EN1: variants seen among roughly 807,000 people sequenced by gnomAD.
EN1 encodes the protein homeobox protein engrailed-1.
Under a neutral mutation model 22.9 loss-of-function variants are expected in EN1, and 8 were observed. The observed-to-expected ratio is 0.35, with a 90% CI of 0.20 to 0.63. The LOEUF is 0.63. Ranked by LOEUF, EN1 falls within the 20% of genes least tolerant of loss-of-function variation. EN1 has a pLI of 0.73. For missense variants in EN1, 521 were observed against 572.1 expected, an observed-to-expected ratio of 0.91 and a Z score of 0.91; for synonymous variants, 287 against 262.5, an observed-to-expected ratio of 1.09 and a Z score of -0.90.
Position 118,847,101 on chromosome 2 carries a change from T to TCGC in EN1, c.64_66dup (p.Ala22dup), listed in dbSNP as rs773741503. ...AGGCTCAGGCTGAGGCCGCCCGGAG[T>TCGC]CGCCGCCGCCGCCGCGCCGAGGGCC... On this transcript the variant is annotated inframe_insertion, in exon 1 of 2. Coordinates refer to ENST00000295206, the MANE Select transcript of EN1 (RefSeq NM_001426.4). The TCGC allele has an allele frequency of 7.9e-6, 11 of 1,388,170 alleles. No homozygotes were observed. Among genetic ancestry groups the TCGC allele is most frequent in the East Asian group, 6.4e-5 (2 of 31,130 alleles). The allele number at this position is 1,388,170 out of a possible 1,614,324, so 86.0% of individuals were successfully genotyped here. A position where few individuals can be genotyped will look rare whatever the true frequency, so the allele number is the denominator to read the frequency against.
Position 118,843,000 on chromosome 2 carries a change from T to G in EN1, c.1117A>C (p.Met373Leu), listed in dbSNP as rs749585707. Residue 373 changes from methionine to leucine, a missense_variant, in exon 2 of 2, where the codon ATG (methionine) becomes CTG (leucine). Physicochemically the swap from Met to Leu is conservative, Grantham distance 15. This residue lies in a region of EN1 where 35 missense variants were observed against 40.2 expected (regional missense o/e 0.87). Coordinates refer to ENST00000295206, the MANE Select transcript of EN1 (RefSeq NM_001426.4). ...GAGTGGTTGTACAGTCCCTGGGCCA[T>G]GAGGTGCAGCGCCAGGCCGTTCTTG... is the stretch of plus-strand genomic sequence containing the variant. ...GIKNGLALHL[M>L]AQGLYNHSTT... 1.9e-6 allele frequency: 3 copies of G among 1,614,046 alleles called. No individual in the cohort carries two copies. Among genetic ancestry groups the G allele is most frequent in the Admixed American group, 3.3e-5 (2 of 60,032 alleles).
intron 1 of EN1, chr2:118,843,792 A>G (rs1036104596): frequency 6.4e-5 from 10 of 156,638 alleles, no homozygotes; most frequent in African/African-American, 2.4e-4. Flanking sequence ...AGAAACTACA[A>G]TAAGACCCCA....
At position 118,846,485 on chromosome 2, in the gene EN1, C is replaced by A. The variant is rs958547342; in HGVS notation, c.683G>T (p.Ser228Ile). Residue 228 changes from serine (S) to isoleucine (I), a missense_variant, in exon 1 of 2, where the codon AGT becomes ATT. Physicochemically the swap from Ser to Ile is moderately radical, Grantham distance 142. This residue lies in a region of EN1 where 436 missense variants were observed against 410.1 expected (regional missense o/e 1.06). Coordinates refer to ENST00000295206, the MANE Select transcript of EN1 (RefSeq NM_001426.4). The surrounding 1 kb of genome is among the most constrained non-coding windows in gnomAD (Gnocchi z 5.0). ...TCCGGGGCTCCCCGCGCCGCCTCCA[C>A]TGCCGCCGCCACCGGTGTCCGAGGG... ...AKPSDTGGGG[S>I]GGGAGSPGAQ... 6.3e-7 allele frequency: 1 copy of A among 1,584,646 alleles called. No individual in the cohort carries two copies. The highest frequency in any genetic ancestry group is 1.4e-5 in the African/African-American group (1 of 73,404).
chr2:118,846,228 C>T lies in EN1; in HGVS notation c.862+78G>A, dbSNP rs1678265673. 1 of 1,546,096 alleles carries T rather than the reference C, an allele frequency of 6.5e-7. No individual in the cohort carries two copies. Among genetic ancestry groups the T allele is most frequent in the African/African-American group, 1.4e-5 (1 of 72,880 alleles). ...GAGTACCCGAGGCCGGGTTTGCTCT[C>T]CCTAGCGCCGCAGCTTGGCGTTCTG... On this transcript the variant is annotated intron_variant, in intron 1 of 1. Transcript: ENST00000295206. The surrounding 1 kb of genome is among the most constrained non-coding windows in gnomAD (Gnocchi z 5.0).
Position 118,843,244 on chromosome 2 carries a change from G to T in EN1, c.873C>A (p.Thr291=). 6.5e-7 allele frequency: 1 copy of T among 1,539,066 alleles called. No homozygotes were observed. The highest frequency in any genetic ancestry group is 8.7e-7 in the Non-Finnish European group (1 of 1,145,344). Residue 291 remains threonine (T), a synonymous_variant, in exon 2 of 2, where the codon ACC becomes ACA. Transcript: ENST00000295206. ...CGTTCTTCTTCTTCTTCAGCTTCCT[G>T]GTGCGCGGACCTGCAGCGGCGGAGA... ...YSDRPSSGPR[T]RKLKKKKNEK...
intron 1 of EN1, among the ~76,000 whole-genome samples, chr2:118,845,291 G>T (rs1460212242): frequency 6.6e-6 from 1 of 152,192 alleles, no homozygotes; most frequent in African/African-American, 2.4e-5. Flanking sequence ...CGGACCGGGT[G>T]TCTGGAGTGC....
In EN1 at chr2:118,846,744, C is replaced by T. The variant is rs752141919; in HGVS notation, c.424G>A (p.Val142Ile). Reference sequence around the variant, plus strand: ...GCAGTCTGGCCTCTGTCACGCTCGACCCGGCCTCCTCCTCCTGCGCCTCCT... The same window carrying T: ...GCAGTCTGGCCTCTGTCACGCTCGATCCGGCCTCCTCCTCCTGCGCCTCCT... ...ARGGAGGGGR[V>I]ERDRGQTAAG... Residue 142 changes from valine (V) to isoleucine (I), a missense_variant, in exon 1 of 2, where the codon GTC becomes ATC. Physicochemically the swap from Val to Ile is conservative, Grantham distance 29. Transcript: ENST00000295206. This position sits in a 1 kb window ranked among gnomAD's most constrained non-coding sequence, Gnocchi z 5.0. 7 of 1,594,350 alleles carry T rather than the reference C, an allele frequency of 4.4e-6. No individual in the cohort carries two copies. In the Admixed American group the frequency reaches 1.0e-4, roughly 23 times the overall value.
chr2:118,842,770 T>A lies in EN1; in HGVS notation c.*168A>T. The A allele has an allele frequency of 8.4e-7, 1 of 1,191,748 alleles. No individual in the cohort carries two copies. The highest frequency in any genetic ancestry group is 1.7e-5 in the South Asian group (1 of 58,930). The allele number at this position is 1,191,748 out of a possible 1,614,324, so 73.8% of individuals were successfully genotyped here. A position where few individuals can be genotyped will look rare whatever the true frequency, so the allele number is the denominator to read the frequency against. ...AGTCTTTCTCCCTTTTCAAAAATGC[T>A]GCGTTTCAACGTCATTGTCCATTCT... is the stretch of plus-strand genomic sequence containing the variant. On this transcript the variant is annotated 3_prime_UTR_variant, in exon 2 of 2. Coordinates refer to ENST00000295206, the MANE Select transcript of EN1 (RefSeq NM_001426.4).
intron 1 of EN1, 82 bp from the exon 2 acceptor site, chr2:118,843,336 T>A: frequency 8.5e-7 from 1 of 1,178,352 alleles, no homozygotes; most frequent in Non-Finnish European, 1.2e-6. Flanking sequence ...AAGGAAGCCG[T>A]GAGAATAGCA....
rs761786635 is a variant in EN1, at chr2:118,846,299, T to C, written c.862+7A>G. ...AGGCATGGCGCAGCCCGGAGTTGGG[T>C]ACTCACCGGAGGATGGACGATCCGA... is the stretch of plus-strand genomic sequence containing the variant. On this transcript the variant is annotated splice_region_variant and intron_variant, in intron 1 of 1. Coordinates refer to ENST00000295206, the MANE Select transcript of EN1 (RefSeq NM_001426.4). The surrounding 1 kb of genome is among the most constrained non-coding windows in gnomAD (Gnocchi z 5.0). The C allele has an allele frequency of 8.6e-5, 138 of 1,607,864 alleles. No homozygotes were observed. The highest frequency in any genetic ancestry group is 3.3e-4 in the Middle Eastern group (2 of 6,078).
intron 1 of EN1, chr2:118,844,259 C>A (rs1678235358): frequency 6.6e-6 from 1 of 152,020 alleles, no homozygotes; most frequent in Non-Finnish European, 1.5e-5. Flanking sequence ...GACTGCAGCC[C>A]CTTCCCCCAC....
chr2:118,845,065 G>A (rs577082599), intron 1 of EN1, among the ~76,000 whole-genome samples: 4 of 152,348 alleles, frequency 2.6e-5, no homozygotes, highest in African/African-American at 7.2e-5. Context: ...CGGCCAGCCC[G>A]AGCCGTGCAG....
intron 1 of EN1, among the ~76,000 whole-genome samples, chr2:118,845,669 C>A (rs1299594802): frequency 6.6e-6 from 1 of 152,202 alleles, no homozygotes; most frequent in African/African-American, 2.4e-5. Flanking sequence ...TGCCAGCACC[C>A]ACCTTTTTGG....
At chr2:118,845,207 G>C (rs1323509932) in intron 1 of EN1, among the ~76,000 whole-genome samples, 2 of 152,254 alleles carry the variant, frequency 1.3e-5, no homozygotes, top group Admixed American at 6.5e-5. Context: ...TCCGCGCCCG[G>C]CCGGCAGCTG....
rs1371856634 is a variant in EN1 at position 118,846,797 on chromosome 2, G to A, written c.371C>T (p.Pro124Leu). The A allele has an allele frequency of 4.4e-6, 7 of 1,595,264 alleles. No homozygotes were observed. The African/African-American group carries it at 5.4e-5, about 12-fold the overall frequency. ...DFGCKKEQPP[P>L]QLLVAAAARG... ...GGCCGCCGCAGCCACCAGAAGCTGCGGTGGCGGCTGCTCCTTTTTGCAGCC... is the reference window on the plus strand; with the variant it reads ...GGCCGCCGCAGCCACCAGAAGCTGCAGTGGCGGCTGCTCCTTTTTGCAGCC... The change falls in exon 1 of 2, where the codon CCG becomes CTG. Residue 124 changes from proline to leucine, a missense_variant. Coordinates refer to ENST00000295206, the MANE Select transcript of EN1 (RefSeq NM_001426.4). This position sits in a 1 kb window ranked among gnomAD's most constrained non-coding sequence, Gnocchi z 5.0.
At position 118,843,026 on chromosome 2, in the gene EN1, A is replaced by G; in HGVS notation, c.1091T>C (p.Ile364Thr). The G allele has an allele frequency of 1.9e-6, 3 of 1,614,070 alleles. No individual in the cohort carries two copies. The highest frequency in any genetic ancestry group is 2.5e-6 in the Non-Finnish European group (3 of 1,179,994). The change falls in exon 2 of 2, where the codon ATC becomes ACC. Residue 364 changes from isoleucine to threonine, a missense_variant. Physicochemically the swap from Ile to Thr is moderately conservative, Grantham distance 89. This residue lies in a region of EN1 where 35 missense variants were observed against 40.2 expected (regional missense o/e 0.87). Coordinates refer to ENST00000295206, the MANE Select transcript of EN1 (RefSeq NM_001426.4). ...GAGGTGCAGCGCCAGGCCGTTCTTGATGCCTGTGGCTTTCTTGATCTTGGC... is the reference window on the plus strand; with the variant it reads ...GAGGTGCAGCGCCAGGCCGTTCTTGGTGCCTGTGGCTTTCTTGATCTTGGC... ...KRAKIKKATG[I>T]KNGLALHLMA...
rs759941651 is a variant in EN1 at position 118,842,887 on chromosome 2, G to C, written c.*51C>G. 9.0e-6 allele frequency: 14 copies of C among 1,558,620 alleles called. No individual in the cohort carries two copies. Among genetic ancestry groups the C allele is most frequent in the East Asian group, 6.8e-5 (3 of 43,992 alleles). On this transcript the variant is annotated 3_prime_UTR_variant, in exon 2 of 2. Coordinates refer to ENST00000295206, the MANE Select transcript of EN1 (RefSeq NM_001426.4). The stretch of plus-strand genomic sequence containing the variant: ...CTCCCCCAGCGAGGGGCCGGGAGAC[G>C]ACGGCGGCGGTGCCGGGAGGGGGCG...
Position 118,847,235 on chromosome 2 carries a change from C to T in EN1, c.-68G>A. On this transcript the variant is annotated 5_prime_UTR_variant, in exon 1 of 2. It adds an upstream start codon to the 5' untranslated region. Coordinates refer to ENST00000295206, the MANE Select transcript of EN1 (RefSeq NM_001426.4). ...CCCCACCGCCTCGCTCCCCACCCCACTTTGCCAGCGGCCCGTGGGGGTGCG... is the reference window on the plus strand; with the variant it reads ...CCCCACCGCCTCGCTCCCCACCCCATTTTGCCAGCGGCCCGTGGGGGTGCG... 2.1e-6 allele frequency: 1 copy of T among 487,532 alleles called. No homozygotes were observed. The highest frequency in any genetic ancestry group is 3.4e-6 in the Non-Finnish European group (1 of 298,248). The allele number at this position is 487,532 out of a possible 1,614,324, so 30.2% of individuals were successfully genotyped here. A position where few individuals can be genotyped will look rare whatever the true frequency, so the allele number is the denominator to read the frequency against.
rs567318868 is a variant in EN1 at position 118,842,710 on chromosome 2, G to C, written c.*228C>G. On this transcript the variant is annotated 3_prime_UTR_variant, in exon 2 of 2. Transcript: ENST00000295206. ...AGTTTCGTCCCTTATACTGGGAATA[G>C]AGAATGGATCTTATTTTTCGATAGC... The C allele has an allele frequency of 2.9e-5, 22 of 767,988 alleles. 1 individual carries two copies. In the South Asian group the frequency reaches 4.5e-4, roughly 16 times the overall value. The allele number at this position is 767,988 out of a possible 1,614,324, so 47.6% of individuals were successfully genotyped here. A position where few individuals can be genotyped will look rare whatever the true frequency, so the allele number is the denominator to read the frequency against.
Sources: gnomAD v4.1 joint callset for allele counts (sites outside exome capture counted in the v4.1 genomes callset) on GRCh38, gnomAD v4.1.1 for gene constraint, gnomAD v4.1.1 regional missense constraint, Gnocchi (gnomAD v3.1) non-coding constraint, MANE v1.5 for transcripts, NCBI Gene and HGNC (gene_info 2026-07-23, HGNC 2026-07-21) for gene names.